The following DOCK1 variants were observed in gnomAD, a reference collection of about 807,000 sequenced individuals.
The protein encoded by DOCK1 is dedicator of cytokinesis 1, also known as dedicator of cytokinesis protein 1.
In DOCK1, 138 loss-of-function variants were observed where a neutral mutation model predicts 262.7. The ratio of observed to expected loss-of-function variants is 0.53; its 90% CI spans 0.46 to 0.61. The LOEUF (loss-of-function observed/expected upper bound fraction) is 0.61, where lower values mean the gene tolerates loss of function less well. Ranked by LOEUF, DOCK1 falls within the 20% of genes least tolerant of loss-of-function variation. DOCK1 has a pLI of 0.00. For missense variants in DOCK1, 1,908 were observed against 2,370.7 expected (o/e 0.80, Z 4.05); for synonymous variants, 866 against 867.4 (o/e 1.00, Z 0.03).
intron 23 of DOCK1, among the ~76,000 whole-genome samples, chr10:127,076,303 C>T (rs1253180759): frequency 2.6e-5 from 4 of 152,144 alleles, no homozygotes; most frequent in Non-Finnish European, 1.5e-5. Context: ...AGATCAAGAC[C>T]ATCCTGGCTA....
At chr10:127,000,093 T>G (rs560886313) in intron 9 of DOCK1, 79 bp from the exon 10 acceptor site, 67 of 1,529,900 alleles carry the variant, frequency 4.4e-5, no homozygotes, top group Middle Eastern at 1.8e-4. Context: ...TCTCAATCCA[T>G]TTTTTTACTG....
intron 32 of DOCK1, among the ~76,000 whole-genome samples, chr10:127,357,804 T>C (rs901078703): frequency 2.0e-5 from 3 of 152,090 alleles, no homozygotes; most frequent in Non-Finnish European, 2.9e-5. Context: ...GGAGGTGATC[T>C]TAAAAGCACC....
chr10:127,375,885 C>T (rs899791437), intron 35 of DOCK1, among the ~76,000 whole-genome samples: 7 of 152,136 alleles, frequency 4.6e-5, no homozygotes, highest in Admixed American at 2.6e-4. Context: ...TTATTAGTTC[C>T]GTCTTCTTAG....
intron 23 of DOCK1, among the ~76,000 whole-genome samples, chr10:127,097,204 C>A (rs570821487): frequency 6.6e-6 from 1 of 152,282 alleles, no homozygotes; most frequent in South Asian, 2.1e-4. Context: ...TTCTTCTTTT[C>A]CCTCTAAAGC....
chr10:127,416,520 C>G (rs2068162703), intron 44 of DOCK1, among the ~76,000 whole-genome samples: 1 of 152,188 alleles, frequency 6.6e-6, no homozygotes, highest in South Asian at 2.1e-4. Context: ...GAGGATGCAG[C>G]TTCTCCTCGG....
At chr10:126,916,801 C>T (rs890966797) in intron 1 of DOCK1, among the ~76,000 whole-genome samples, 6 of 152,062 alleles carry the variant, frequency 3.9e-5, no homozygotes, top group African/African-American at 1.4e-4. Context: ...TCTGGAGCTG[C>T]CCTCATGGGG....
rs566859225 is a variant in DOCK1 at position 126,926,671 on chromosome 10, T to C, written c.46+21108T>C. 5.9e-5 allele frequency among the ~76,000 whole-genome samples: 9 copies of C among 152,320 alleles called. No individual in the cohort carries two copies. In the South Asian group the frequency reaches 1.9e-3, roughly 32 times the overall value. The stretch of plus-strand genomic sequence containing the variant: ...ATTAAGGTGGGCGTTTAATCCAATA[T>C]GCCTGGTGTCCTTGTTAAGAAGAGG... On this transcript the variant is annotated intron_variant, in intron 1 of 51. Coordinates refer to ENST00000623213, the MANE Select transcript of DOCK1 (RefSeq NM_001290223.2).
chr10:127,168,914 A>G (rs1169145394), intron 27 of DOCK1, among the ~76,000 whole-genome samples: 1 of 152,156 alleles, frequency 6.6e-6, no homozygotes, highest in Non-Finnish European at 1.5e-5. Flanking sequence ...TGCAGTATTT[A>G]TTCTGTTTGG....
At chr10:127,416,512 G>C (rs989155389) in intron 44 of DOCK1, among the ~76,000 whole-genome samples, 14 of 152,228 alleles carry the variant, frequency 9.2e-5, no homozygotes, top group African/African-American at 3.4e-4. Context: ...CCTTTCGTGA[G>C]GATGCAGCTT....
chr10:127,308,795 C>T lies in DOCK1; in HGVS notation c.3045-30211C>T, dbSNP rs899591608. ...CTTTTTTTATGGCTACATAGTATTCCGTGGTGTATATGTGCCACATTTTCT... is the reference window on the plus strand; with the variant it reads ...CTTTTTTTATGGCTACATAGTATTCTGTGGTGTATATGTGCCACATTTTCT... On this transcript the variant is annotated intron_variant, in intron 29 of 51. Coordinates refer to ENST00000623213, the MANE Select transcript of DOCK1 (RefSeq NM_001290223.2). Among the ~76,000 whole-genome samples, 16 of 152,256 alleles carry T rather than the reference C, an allele frequency of 1.1e-4. No homozygotes were observed. The East Asian group carries it at 2.3e-3, about 22-fold the overall frequency.
intron 27 of DOCK1, among the ~76,000 whole-genome samples, chr10:127,181,566 AT>A: frequency 6.6e-6 from 1 of 152,340 alleles, no homozygotes. Flanking sequence ...ATTGTATGAA[AT>A]TATGGGTTTT....
intron 7 of DOCK1, among the ~76,000 whole-genome samples, chr10:126,997,504 G>A (rs1043891081): frequency 7.2e-5 from 11 of 151,780 alleles, no homozygotes; most frequent in African/African-American, 2.2e-4. Flanking sequence ...TGTGCGGGGG[G>A]GTGCTACACG....
intron 21 of DOCK1, among the ~76,000 whole-genome samples, chr10:127,050,073 G>C (rs983104386): frequency 3.7e-5 from 5 of 136,982 alleles, no homozygotes; most frequent in Non-Finnish European, 7.6e-5. Context: ...ACCATTTATT[G>C]AACCGGCTCT....
chr10:127,263,099 TAAC>T (rs1364752437), intron 29 of DOCK1, among the ~76,000 whole-genome samples: 1 of 152,188 alleles, frequency 6.6e-6, no homozygotes, highest in Non-Finnish European at 1.5e-5. Context: ...CCATAAAACA[TAAC>T]AACTTTTCCA....
At chr10:127,052,925 C>CT in intron 22 of DOCK1, 110 bp downstream of exon 22, 1 of 1,464,508 alleles carries the variant, frequency 6.8e-7, no homozygotes, top group African/African-American at 1.4e-5. Flanking sequence ...CTTCTTCCCC[C>CT]TTTTTCCCCC....
intron 47 of DOCK1, among the ~76,000 whole-genome samples, chr10:127,427,900 T>C (rs567944410): frequency 1.3e-5 from 2 of 152,264 alleles, no homozygotes; most frequent in East Asian, 1.9e-4. Context: ...AAAGCCAACA[T>C]AACACAACTG....
At chr10:127,116,095 C>T (rs116053764) in intron 25 of DOCK1, among the ~76,000 whole-genome samples, 139 of 152,174 alleles carry the variant, frequency 9.1e-4, no homozygotes, top group African/African-American at 3.2e-3. Context: ...TGTAAGCCTG[C>T]TCTGTGTAGT....
At chr10:126,996,153 G>A (rs530140628) in intron 6 of DOCK1, among the ~76,000 whole-genome samples, 55 of 152,018 alleles carry the variant, frequency 3.6e-4, no homozygotes, top group Admixed American at 1.5e-3. Context: ...GGCTGAGGTG[G>A]GCAGATCACC....
chr10:127,086,991 A>G (rs1341498782), intron 23 of DOCK1, among the ~76,000 whole-genome samples: 1 of 152,168 alleles, frequency 6.6e-6, no homozygotes, highest in African/African-American at 2.4e-5. Context: ...TTTAATCCAG[A>G]GTCACCTCAC....
Sources: gnomAD v4.1 joint callset for allele counts (sites outside exome capture counted in the v4.1 genomes callset) on GRCh38, gnomAD v4.1.1 for gene constraint, MANE v1.5 for transcripts, NCBI Gene and HGNC (gene_info 2026-07-23, HGNC 2026-07-21) for gene names.